LTF: variants seen among roughly 807,000 people sequenced by gnomAD.
LTF encodes the protein lactotransferrin, also known as epididymis luminal protein 110.
Under a neutral mutation model 87.2 loss-of-function variants are expected in LTF, and 91 were observed. The ratio of observed to expected loss-of-function variants is 1.04; its 90% CI spans 0.88 to 1.24. The LOEUF is 1.24. Ranked by LOEUF, LTF falls within the 50% of genes most tolerant of loss-of-function variation. The pLI, the probability that LTF is intolerant of heterozygous loss-of-function variation, is 0.00. For missense variants in LTF, 901 were observed against 904.3 expected, an observed-to-expected ratio of 1.00 and a Z score of 0.05; for synonymous variants, 378 against 356.1, an observed-to-expected ratio of 1.06 and a Z score of -0.69.
At chr3:46,447,813 G>A (rs1445741150) in intron 9 of LTF, among the ~76,000 whole-genome samples, 4 of 152,124 alleles carry the variant, frequency 2.6e-5, no homozygotes, top group Non-Finnish European at 5.9e-5. Context: ...AGCTGAAGTC[G>A]TCATATTGGC....
upstream of LTF, chr3:46,465,067 T>TGCAGC (rs1381720708): frequency 9.8e-6 from 6 of 612,160 alleles, no homozygotes; most frequent in Middle Eastern, 3.6e-4. Flanking sequence ...CACACCGCGC[T>TGCAGC]GCGAGAGGAA....
At chr3:46,467,795 C>T (rs1197400193), upstream of LTF, among the ~76,000 whole-genome samples, 1 of 152,030 alleles carries the variant, frequency 6.6e-6, no homozygotes, top group African/African-American at 2.4e-5. Flanking sequence ...GAATTACAGG[C>T]ATAAACCATT....
intron 1 of LTF, among the ~76,000 whole-genome samples, chr3:46,461,532 G>C (rs1277047442): frequency 6.6e-6 from 1 of 152,184 alleles, no homozygotes; most frequent in Non-Finnish European, 1.5e-5. Flanking sequence ...CCAGACACAA[G>C]AGACCACATG....
At chr3:46,457,764 A>C (rs1702973724) in intron 2 of LTF, among the ~76,000 whole-genome samples, 1 of 151,728 alleles carries the variant, frequency 6.6e-6, no homozygotes, top group South Asian at 2.1e-4. Flanking sequence ...ATGATTCTAC[A>C]TTTTTTCCAA....
Position 46,443,564 on chromosome 3 carries a change from C to A in LTF, c.1532G>T (p.Ser511Ile). The A allele has an allele frequency of 6.2e-7, 1 of 1,613,796 alleles. No individual in the cohort carries two copies. The highest frequency in any genetic ancestry group is 8.5e-7 in the Non-Finnish European group (1 of 1,179,934). Residue 511 changes from serine (S) to isoleucine (I), a missense_variant, in exon 13 of 17, where the codon AGC becomes ATC. Coordinates refer to ENST00000231751, the MANE Select transcript of LTF (RefSeq NM_002343.6). Reference protein sequence around the residue: ...SCKFDEYFSQSCAPGSDPRSN... With the variant: ...SCKFDEYFSQICAPGSDPRSN... ...TCTCGGGTCAGACCCAGGGGCACAG[C>A]TTTGACTGAAATATTCATCTGGAGA...
At chr3:46,454,638 A>G (rs1289604909) in intron 5 of LTF, among the ~76,000 whole-genome samples, 1 of 152,224 alleles carries the variant, frequency 6.6e-6, no homozygotes, top group Admixed American at 6.5e-5. Context: ...CCTCTACCCA[A>G]GAGGGTAAAG....
chr3:46,446,392 G>A (rs1175242260), intron 11 of LTF, 48 bp downstream of exon 11: 26 of 1,516,302 alleles, frequency 1.7e-5, no homozygotes, highest in Non-Finnish European at 2.4e-5. Context: ...TCCTCTTCCA[G>A]CAACAAGAAC....
In LTF at chr3:46,455,779, T is replaced by A. The variant is rs1702912719; in HGVS notation, c.499+17A>T. The stretch of plus-strand genomic sequence containing the variant: ...GCCCCCTGCCTGAGGCCACTCACTA[T>A]CCCCCAGCCATCTTACCTGCCTCAA... On this transcript the variant is annotated intron_variant, in intron 4 of 16. Coordinates refer to ENST00000231751, the MANE Select transcript of LTF (RefSeq NM_002343.6). 6.5e-7 allele frequency: 1 copy of A among 1,545,534 alleles called. No individual in the cohort carries two copies. The highest frequency in any genetic ancestry group is 1.4e-5 in the African/African-American group (1 of 72,664).
At position 46,439,340 on chromosome 3, in the gene LTF, T is replaced by C; in HGVS notation, c.1864A>G (p.Met622Val). The C allele has an allele frequency of 1.2e-6, 2 of 1,614,158 alleles. No homozygotes were observed. Among genetic ancestry groups the C allele is most frequent in the Admixed American group, 1.7e-5 (1 of 60,024 alleles). ...MAPNHAVVSR[M>V]DKVERLKQVL... Reference sequence around the variant, plus strand: ...TGTTTCAGGCGTTCCACCTTATCCATCCGAGACACCACGGCATGATTCGGG... The same window carrying C: ...TGTTTCAGGCGTTCCACCTTATCCACCCGAGACACCACGGCATGATTCGGG... Residue 622 changes from methionine to valine, a missense_variant, in exon 15 of 17, where the codon ATG becomes GTG. Physicochemically the swap from Met to Val is conservative, Grantham distance 21. Transcript: ENST00000231751.
intron 6 of LTF, among the ~76,000 whole-genome samples, chr3:46,451,034 C>G (rs551325168): frequency 6.6e-6 from 1 of 152,258 alleles, no homozygotes; most frequent in Non-Finnish European, 1.5e-5. Flanking sequence ...AAGGGTTGCT[C>G]CCTTACTCAC....
At chr3:46,482,040 A>AT (rs980048200) in intron 1 of LTF, among the ~76,000 whole-genome samples, 10 of 152,212 alleles carry the variant, frequency 6.6e-5, no homozygotes, top group Admixed American at 2.0e-4. Context: ...TGACATAAGC[A>AT]TTTTTTTTCA....
At chr3:46,448,196 G>A (rs974442465) in intron 9 of LTF, among the ~76,000 whole-genome samples, 2 of 151,968 alleles carry the variant, frequency 1.3e-5, no homozygotes, top group Non-Finnish European at 2.9e-5. Flanking sequence ...AGACCCTGTC[G>A]CTACAATAAT....
At chr3:46,436,577 C>T (rs1413855979) in intron 16 of LTF, among the ~76,000 whole-genome samples, 1 of 152,246 alleles carries the variant, frequency 6.6e-6, no homozygotes, top group African/African-American at 2.4e-5. Flanking sequence ...CAATCATGTT[C>T]ACCTGCAGAT....
chr3:46,482,881 AAAAC>A (rs1703470704), intron 1 of LTF, among the ~76,000 whole-genome samples: 1 of 152,180 alleles, frequency 6.6e-6, no homozygotes, highest in East Asian at 1.9e-4. Context: ...AGAGAGAAAG[AAAAC>A]AAAGAAGAAA....
chr3:46,473,952 C>T (rs1263450606), intron 1 of LTF, among the ~76,000 whole-genome samples: 4 of 152,000 alleles, frequency 2.6e-5, no homozygotes, highest in Non-Finnish European at 5.9e-5. Context: ...CACTACGTAA[C>T]CTATACAAAG....
chr3:46,444,514 G>C (rs1053532357), intron 12 of LTF, among the ~76,000 whole-genome samples: 1 of 152,256 alleles, frequency 6.6e-6, no homozygotes, highest in African/African-American at 2.4e-5. Flanking sequence ...GCTGCTGGAA[G>C]AGCCACACTA....
Position 46,445,450 on chromosome 3 carries a change from T to A in LTF, c.1358-14A>T. The A allele has an allele frequency of 6.2e-7, 1 of 1,605,274 alleles. No individual in the cohort carries two copies. Among genetic ancestry groups the A allele is most frequent in the Non-Finnish European group, 8.5e-7 (1 of 1,175,072 alleles). On this transcript the variant is annotated splice_polypyrimidine_tract_variant and intron_variant, in intron 11 of 16. Coordinates refer to ENST00000231751, the MANE Select transcript of LTF (RefSeq NM_002343.6). ...CAGCAAGATATCCTGGCATAACAGA[T>A]GACAGAAAAACAAGTCTTAACCTCC...
At chr3:46,444,491 T>C (rs574014992) in intron 12 of LTF, among the ~76,000 whole-genome samples, 1 of 152,330 alleles carries the variant, frequency 6.6e-6, no homozygotes, top group African/African-American at 2.4e-5. Flanking sequence ...TCACCCATTA[T>C]CAGACTCCCA....
chr3:46,482,777 GAAAA>G lies in LTF; in HGVS notation c.-320+2205_-320+2208del, dbSNP rs1269459937. On this transcript the variant is annotated intron_variant, in intron 1 of 19. Transcript: ENST00000443496. ...AAGGAAAGAGAAAGAAAGAAAGAAA[GAAAA>G]AGAAAGAAAGAAAGAAGGAAGGAAA... 4.4e-5 allele frequency among the ~76,000 whole-genome samples: 5 copies of G among 113,772 alleles called. No individual in the cohort carries two copies. In the East Asian group the frequency reaches 1.3e-3, roughly 30 times the overall value. 74.6% of individuals were successfully genotyped at this position (113,772 alleles called of 152,430 possible).
Sources: gnomAD v4.1 joint callset for allele counts (sites outside exome capture counted in the v4.1 genomes callset) on GRCh38, gnomAD v4.1.1 for gene constraint, MANE v1.5 for transcripts, NCBI Gene and HGNC (gene_info 2026-07-23, HGNC 2026-07-21) for gene names.